The following WDR7 variants were observed in gnomAD, a reference collection of about 807,000 sequenced individuals.
WDR7 encodes WD repeat-containing protein 7.
A neutral mutation model predicts 169.4 loss-of-function variants in WDR7; 46 were observed. The ratio of observed to expected loss-of-function variants is 0.27; its 90% CI spans 0.21 to 0.35. WDR7 has a LOEUF of 0.35. Ranked by LOEUF, WDR7 falls within the 10% of genes least tolerant of loss-of-function variation. The pLI is 1.00. For synonymous variants in WDR7, 612 were observed against 666.8 expected (o/e 0.92, Z 1.27); for missense variants, 1,534 against 1,859.3 (o/e 0.83, Z 3.22).
chr18:56,723,846 C>T (rs1259126260), intron 13 of WDR7, among the ~76,000 whole-genome samples: 1 of 151,896 alleles, frequency 6.6e-6, no homozygotes, highest in Non-Finnish European at 1.5e-5. Context: ...TGAAGTTGTT[C>T]TTCAGCTCAC....
At chr18:56,960,982 TA>T (rs760439677) in intron 25 of WDR7, among the ~76,000 whole-genome samples, 129 of 145,470 alleles carry the variant, frequency 8.9e-4, no homozygotes, top group Non-Finnish European at 1.0e-3. Flanking sequence ...TACTAAAAGT[TA>T]AAAAAAAAAA....
intron 24 of WDR7, 71 bp downstream of exon 24, chr18:56,938,753 A>C (rs2046993473): frequency 1.9e-6 from 3 of 1,552,540 alleles, no homozygotes; most frequent in Admixed American, 1.9e-5. Flanking sequence ...AATATAAATC[A>C]GTATCTTTAT....
At chr18:56,881,380 G>A (rs1599125410) in intron 21 of WDR7, among the ~76,000 whole-genome samples, 2 of 152,004 alleles carry the variant, frequency 1.3e-5, no homozygotes, top group East Asian at 3.9e-4. Flanking sequence ...TAATAACCCT[G>A]TAAAGTGGAT....
intron 26 of WDR7, among the ~76,000 whole-genome samples, chr18:57,006,411 C>T (rs977184221): frequency 6.6e-6 from 1 of 151,910 alleles, no homozygotes; most frequent in Admixed American, 6.6e-5. Context: ...CCTGTATTAC[C>T]ACAACATTTT....
chr18:56,937,887 A>T (rs2046981161), intron 23 of WDR7, among the ~76,000 whole-genome samples: 1 of 152,190 alleles, frequency 6.6e-6, no homozygotes, highest in Non-Finnish European at 1.5e-5. Flanking sequence ...ATTAACACAT[A>T]TTTTGTATGT....
chr18:56,933,927 A>G (rs997619700), intron 22 of WDR7, among the ~76,000 whole-genome samples: 3 of 152,216 alleles, frequency 2.0e-5, no homozygotes, highest in African/African-American at 4.8e-5. Flanking sequence ...GGGGCTGCCC[A>G]GGAGATGGAC....
At chr18:56,712,481 T>C (rs1241544927) in intron 12 of WDR7, among the ~76,000 whole-genome samples, 2 of 152,218 alleles carry the variant, frequency 1.3e-5, no homozygotes, top group Non-Finnish European at 2.9e-5. Flanking sequence ...TATACTTGTT[T>C]TGGGCCAGTA....
At chr18:56,944,677 T>G (rs2047079968) in intron 25 of WDR7, among the ~76,000 whole-genome samples, 1 of 152,348 alleles carries the variant, frequency 6.6e-6, no homozygotes, top group Non-Finnish European at 1.5e-5. Flanking sequence ...GTCATCTGTT[T>G]GAAAACAGAA....
At chr18:56,954,013 G>A (rs2047217075) in intron 25 of WDR7, among the ~76,000 whole-genome samples, 1 of 152,156 alleles carries the variant, frequency 6.6e-6, no homozygotes, top group African/African-American at 2.4e-5. Context: ...ACTGAACAAT[G>A]CATGTAATGA....
chr18:56,726,663 G>A (rs2026463697), intron 13 of WDR7, among the ~76,000 whole-genome samples: 1 of 151,902 alleles, frequency 6.6e-6, no homozygotes, highest in Admixed American at 6.6e-5. Context: ...CTGCTTGATG[G>A]GACACAGTTA....
intron 20 of WDR7, among the ~76,000 whole-genome samples, chr18:56,855,972 C>T (rs1195652988): frequency 6.6e-6 from 1 of 152,112 alleles, no homozygotes; most frequent in Non-Finnish European, 1.5e-5. Flanking sequence ...CTATTCATGA[C>T]AAACTGCATA....
At chr18:56,677,025 C>T (rs2025259415) in intron 2 of WDR7, among the ~76,000 whole-genome samples, 2 of 152,156 alleles carry the variant, frequency 1.3e-5, no homozygotes, top group Admixed American at 6.5e-5. Context: ...GAGTAGTTTA[C>T]ACAACATAGT....
chr18:56,980,838 C>T (rs1334138766), intron 26 of WDR7, among the ~76,000 whole-genome samples: 1 of 152,286 alleles, frequency 6.6e-6, no homozygotes, highest in African/African-American at 2.4e-5. Flanking sequence ...GGGAACCTGA[C>T]ACAAGACAGA....
intron 21 of WDR7, among the ~76,000 whole-genome samples, chr18:56,909,995 C>G (rs984212449): frequency 7.9e-5 from 12 of 152,088 alleles, no homozygotes; most frequent in African/African-American, 2.9e-4. Context: ...GTAAATGTCC[C>G]ATTGTTTCTC....
At chr18:56,928,447 A>G (rs1053527269) in intron 22 of WDR7, among the ~76,000 whole-genome samples, 3 of 152,224 alleles carry the variant, frequency 2.0e-5, no homozygotes, top group African/African-American at 4.8e-5. Context: ...CCTGGGTGAC[A>G]GAACAAGACC....
At chr18:56,970,487 T>A (rs1322513598) in intron 26 of WDR7, among the ~76,000 whole-genome samples, 1 of 152,216 alleles carries the variant, frequency 6.6e-6, no homozygotes, top group African/African-American at 2.4e-5. Context: ...AGGCTCCTTC[T>A]GAGTCAACTG....
chr18:56,912,920 G>A (rs920377880), intron 21 of WDR7, among the ~76,000 whole-genome samples: 1 of 151,616 alleles, frequency 6.6e-6, no homozygotes, highest in Admixed American at 6.6e-5. Context: ...TGTCACCCAG[G>A]CTGGAGTGCA....
chr18:56,813,989 C>A (rs2044921581), intron 19 of WDR7, among the ~76,000 whole-genome samples: 1 of 152,154 alleles, frequency 6.6e-6, no homozygotes, highest in South Asian at 2.1e-4. Flanking sequence ...TGTGGTTTCT[C>A]AAGGTTATGC....
At chr18:56,905,461 A>G (rs1273247407) in intron 21 of WDR7, among the ~76,000 whole-genome samples, 1 of 152,102 alleles carries the variant, frequency 6.6e-6, no homozygotes, top group East Asian at 1.9e-4. Context: ...ATTATAGACA[A>G]TTTTCAGAAG....
Sources: allele counts gnomAD v4.1 joint callset (sites outside exome capture counted in the v4.1 genomes callset), GRCh38; gene constraint gnomAD v4.1.1; transcripts MANE v1.5; gene names NCBI Gene and HGNC (gene_info 2026-07-23, HGNC 2026-07-21).